Variants in KYAT1 observed in about 807,000 individuals in gnomAD.
The protein encoded by KYAT1 is kynurenine aminotransferase 1.
In KYAT1, 47 loss-of-function variants were observed where a neutral mutation model predicts 52.4. That is an observed-to-expected ratio of 0.90 (90% CI 0.71 to 1.14). The LOEUF is 1.14. KYAT1 is among the 50% of genes most tolerant of loss of function. KYAT1 has a pLI of 0.00. For synonymous variants in KYAT1, 212 were observed against 209.6 expected, an observed-to-expected ratio of 1.01 and a Z score of -0.10; for missense variants, 480 against 557.9, an observed-to-expected ratio of 0.86 and a Z score of 1.41.
rs1036667573 is a variant in KYAT1, at chr9:128,864,258, T to C, written c.-7+17639A>G. 7.4e-5 allele frequency among the ~76,000 whole-genome samples: 11 copies of C among 149,028 alleles called. No homozygotes were observed. In the South Asian group the frequency reaches 2.3e-3, roughly 32 times the overall value. On this transcript the variant is annotated intron_variant, in intron 1 of 12. Coordinates refer to ENST00000302586, the MANE Select transcript of KYAT1 (RefSeq NM_004059.5). Reference sequence around the variant, plus strand: ...GCGGGTGCCTATAGTCCCAGCTGCTTGGAAGGCTGAGGCAGGAGAATGTTG... The same window carrying C: ...GCGGGTGCCTATAGTCCCAGCTGCTCGGAAGGCTGAGGCAGGAGAATGTTG...
intron 1 of KYAT1, among the ~76,000 whole-genome samples, chr9:128,874,827 C>T (rs559299057): frequency 4.7e-5 from 7 of 148,618 alleles, no homozygotes; most frequent in South Asian, 2.2e-4. Flanking sequence ...CAGGTTCAAA[C>T]GATTCTCCTG....
chr9:128,847,875 G>T (rs1166455006), intron 1 of KYAT1, among the ~76,000 whole-genome samples: 1 of 152,074 alleles, frequency 6.6e-6, no homozygotes, highest in Non-Finnish European at 1.5e-5. Context: ...ATATCACCAA[G>T]AGCATAAACC....
chr9:128,841,447 G>A (rs967956640), intron 3 of KYAT1, among the ~76,000 whole-genome samples: 25 of 152,084 alleles, frequency 1.6e-4, no homozygotes, highest in African/African-American at 4.1e-4. Flanking sequence ...AGGCGGAGGC[G>A]GAGGCGGAGG....
chr9:128,844,830 C>T (rs1439730261), intron 2 of KYAT1, among the ~76,000 whole-genome samples: 1 of 152,212 alleles, frequency 6.6e-6, no homozygotes, highest in East Asian at 1.9e-4. Context: ...CACCATTGCA[C>T]TCCAGCCTGG....
chr9:128,843,115 C>T (rs1019095389), intron 2 of KYAT1, among the ~76,000 whole-genome samples: 11 of 151,970 alleles, frequency 7.2e-5, no homozygotes, highest in Admixed American at 4.6e-4. Context: ...TGAAGTGAGC[C>T]GAGATCGCAC....
intron 1 of KYAT1, chr9:128,846,878 C>G (rs753546101): frequency 6.5e-7 from 1 of 1,528,690 alleles, no homozygotes; most frequent in Non-Finnish European, 8.8e-7. Context: ...AATAGTGAAC[C>G]CTGGCTCAGG....
intron 1 of KYAT1, chr9:128,847,371 G>T: frequency 8.7e-7 from 1 of 1,155,916 alleles, no homozygotes; most frequent in South Asian, 1.4e-5. Context: ...AGCCAGGAAC[G>T]AGCCAGACCC....
At chr9:128,865,334 TATATATATA>T (rs1836132537) in intron 1 of KYAT1, among the ~76,000 whole-genome samples, 4 of 2,452 alleles carry the variant, frequency 1.6e-3, no homozygotes, top group Non-Finnish European at 4.3e-3. Context: ...TATATATATA[TATATATATA>T]TATATATATA....
chr9:128,860,485 C>T (rs1057212455), intron 1 of KYAT1: 2 of 152,018 alleles, frequency 1.3e-5, no homozygotes, highest in African/African-American at 4.8e-5. Context: ...TCTGCCTCTC[C>T]AGTTTGGGGG....
rs762135780 is a variant in KYAT1, at chr9:128,842,754, C to A, written c.101G>T (p.Gly34Val). ...TGGTGGGAAATCCGGGAAGCCCTGG[C>A]CCAAGTTCACGACGTCATGCTCACT... Reference protein sequence around the residue: ...LASEHDVVNLGQGFPDFPPPD... With the variant: ...LASEHDVVNLVQGFPDFPPPD... Residue 34 changes from glycine (G) to valine (V), a missense_variant, in exon 3 of 13, where the codon GGC (glycine) becomes GTC (valine). Transcript: ENST00000302586. 1.2e-6 allele frequency: 2 copies of A among 1,614,198 alleles called. No homozygotes were observed. Among genetic ancestry groups the A allele is most frequent in the Non-Finnish European group, 1.7e-6 (2 of 1,180,028 alleles).
At chr9:128,841,452 CG>C (rs1370595051) in intron 3 of KYAT1, among the ~76,000 whole-genome samples, 1 of 151,574 alleles carries the variant, frequency 6.6e-6, no homozygotes, top group Non-Finnish European at 1.5e-5. Context: ...GAGGCGGAGG[CG>C]GAGGTTGCAG....
intron 1 of KYAT1, among the ~76,000 whole-genome samples, chr9:128,866,737 C>T (rs551724893): frequency 3.9e-5 from 6 of 152,102 alleles, no homozygotes; most frequent in Admixed American, 3.9e-4. Flanking sequence ...TGGTGAAACC[C>T]TGTCTCTACT....
rs1280775324 is a variant in KYAT1, at chr9:128,833,541, T to C, written c.*43A>G. 1 of 1,581,082 alleles carries C rather than the reference T, an allele frequency of 6.3e-7. No individual in the cohort carries two copies. Among genetic ancestry groups the C allele is most frequent in the East Asian group, 2.2e-5 (1 of 44,704 alleles). ...AAGACAGACACTCAAAGAGGATCTC[T>C]GCGGGCATGTGGGGATGTCAGGGCC... On this transcript the variant is annotated 3_prime_UTR_variant, in exon 13 of 13. Transcript: ENST00000302586.
chr9:128,846,600 C>CAAAAAAAAAAAAAAAAA, intron 1 of KYAT1: 2 of 419,216 alleles, frequency 4.8e-6, no homozygotes, highest in Non-Finnish European at 7.3e-6. Flanking sequence ...AAGACTCTAC[C>CAAAAAAAAAAAAAAAAA]AAAAAAAAAA....
At position 128,842,751 on chromosome 9, in the gene KYAT1, T is replaced by C. The variant is rs1832419342; in HGVS notation, c.104A>G (p.Gln35Arg). Residue 35 changes from glutamine (Q) to arginine (R), a missense_variant, in exon 3 of 13, where the codon CAG becomes CGG. Physicochemically the swap from Gln to Arg is conservative, Grantham distance 43. Transcript: ENST00000302586. ...ASEHDVVNLG[Q>R]GFPDFPPPDF... ...TGGTGGTGGGAAATCCGGGAAGCCC[T>C]GGCCCAAGTTCACGACGTCATGCTC... The C allele has an allele frequency of 3.1e-6, 5 of 1,614,084 alleles. No homozygotes were observed. The highest frequency in any genetic ancestry group is 4.2e-6 in the Non-Finnish European group (5 of 1,180,046).
chr9:128,844,454 G>C (rs1233737247), intron 2 of KYAT1, among the ~76,000 whole-genome samples: 1 of 151,704 alleles, frequency 6.6e-6, no homozygotes, highest in Non-Finnish European at 1.5e-5. Flanking sequence ...GCTGAGGCGG[G>C]TGGATCACGA....
chr9:128,833,708 G>A (rs374311279), intron 12 of KYAT1, 32 bp downstream of exon 12: 21 of 1,613,518 alleles, frequency 1.3e-5, no homozygotes, highest in East Asian at 2.2e-5. Context: ...GAAGCTCTGT[G>A]AGGTCTTTCC....
At position 128,836,963 on chromosome 9, in the gene KYAT1, C is replaced by A; in HGVS notation, c.568-41G>T. Reference sequence around the variant, plus strand: ...GAGAGCACAGACCTGCAGCTGGGACCGTCCCCAAACACAGAGGCCTACTCA... The same window carrying A: ...GAGAGCACAGACCTGCAGCTGGGACAGTCCCCAAACACAGAGGCCTACTCA... On this transcript the variant is annotated intron_variant, in intron 6 of 12. Transcript: ENST00000302586. 3 of 1,595,860 alleles carry A rather than the reference C, an allele frequency of 1.9e-6. No homozygotes were observed. In the South Asian group the frequency reaches 3.4e-5, roughly 18 times the overall value.
At chr9:128,866,105 C>G (rs944103049) in intron 1 of KYAT1, among the ~76,000 whole-genome samples, 1 of 152,166 alleles carries the variant, frequency 6.6e-6, no homozygotes, top group Non-Finnish European at 1.5e-5. Context: ...ATTCCCTAAG[C>G]TAGCCACCAT....
Sources: gnomAD v4.1 joint callset for allele counts (sites outside exome capture counted in the v4.1 genomes callset) on GRCh38, gnomAD v4.1.1 for gene constraint, MANE v1.5 for transcripts, NCBI Gene and HGNC (gene_info 2026-07-23, HGNC 2026-07-21) for gene names.